Variants in VPS52 observed in about 807,000 individuals in gnomAD.
The protein encoded by VPS52 is vacuolar protein sorting-associated protein 52 homolog.
VPS52 carries 56 observed loss-of-function variants against 98.7 expected under a neutral mutation model. That is an observed-to-expected ratio of 0.57 (90% CI 0.46 to 0.71). The LOEUF is 0.71. VPS52 is among the 30% of genes least tolerant of loss of function. The pLI, the probability that VPS52 is intolerant of heterozygous loss-of-function variation, is 0.00. For synonymous variants in VPS52, 348 were observed against 346.4 expected, an observed-to-expected ratio of 1.00 and a Z score of -0.05; for missense variants, 742 against 925.9, an observed-to-expected ratio of 0.80 and a Z score of 2.58.
rs773295555 is a variant in VPS52, at chr6:33,266,607, C to T, written c.1231G>A (p.Ala411Thr). Residue 411 changes from alanine (A) to threonine (T), a missense_variant, in exon 12 of 20, where the codon GCA (alanine) becomes ACA (threonine). By Grantham distance (58) the Ala-to-Thr change is moderately conservative. Around this residue, in one of 2 missense-constraint regions of VPS52, gnomAD observed 590 missense variants for 793.3 expected, o/e 0.74. Coordinates refer to ENST00000445902, the MANE Select transcript of VPS52 (RefSeq NM_022553.6). ...ATGACAGCATGGAACAGGTCGTGTG[C>T]AGCTGGGCCAGACACAACAAAAAAT... is the stretch of plus-strand genomic sequence containing the variant. ...CEFFVVSGPA[A>T]HDLFHAVMGR... The T allele has an allele frequency of 6.2e-7, 1 of 1,612,716 alleles. No homozygotes were observed. The highest frequency in any genetic ancestry group is 8.5e-7 in the Non-Finnish European group (1 of 1,179,888).
chr6:33,271,397 AG>A, intron 1 of VPS52, 188 bp downstream of exon 1: 1 of 826,046 alleles, frequency 1.2e-6, no homozygotes, highest in Middle Eastern at 2.2e-4. Flanking sequence ...TTTGTGCCCC[AG>A]AACATGAGTT....
chr6:33,257,200 AT>A (rs1763092431), intron 17 of VPS52, among the ~76,000 whole-genome samples: 6 of 151,398 alleles, frequency 4.0e-5, no homozygotes, highest in Admixed American at 4.0e-4. Flanking sequence ...TGGCTAATAT[AT>A]TTTTTTAATT....
chr6:33,262,227 T>C (rs1167474134), intron 17 of VPS52, among the ~76,000 whole-genome samples: 1 of 152,024 alleles, frequency 6.6e-6, no homozygotes, highest in Non-Finnish European at 1.5e-5. Flanking sequence ...TGAATAGATA[T>C]TTTTCAAAAG....
Position 33,253,919 on chromosome 6 carries a change from C to T in VPS52, c.1795-1948G>A, listed in dbSNP as rs147407418. Among the ~76,000 whole-genome samples, 190 of 151,988 alleles carry T rather than the reference C, an allele frequency of 1.3e-3. No individual in the cohort carries two copies. The Middle Eastern group carries it at 0.017, about 14-fold the overall frequency. ...AAACTGTCCGTGAACTGCTATACAC[C>T]GAATATCACTGATGATGCCTGGGGG... is the stretch of plus-strand genomic sequence containing the variant. On this transcript the variant is annotated intron_variant, in intron 17 of 19. Coordinates refer to ENST00000445902, the MANE Select transcript of VPS52 (RefSeq NM_022553.6).
chr6:33,266,110 T>A (rs1764272392), intron 12 of VPS52, among the ~76,000 whole-genome samples: 1 of 150,780 alleles, frequency 6.6e-6, no homozygotes, highest in Non-Finnish European at 1.5e-5. Context: ...TCCTCCCGCC[T>A]CAGCCTCCCA....
chr6:33,261,067 T>C (rs1047787346), intron 17 of VPS52, among the ~76,000 whole-genome samples: 7 of 151,812 alleles, frequency 4.6e-5, no homozygotes, highest in African/African-American at 1.2e-4. Flanking sequence ...CAGGCAACAG[T>C]TGTCTTTTGT....
chr6:33,271,499 T>TCCCA, intron 1 of VPS52, 87 bp downstream of exon 1: 1 of 1,539,224 alleles, frequency 6.5e-7, no homozygotes, highest in South Asian at 1.2e-5. Context: ...GCAGCCAAGT[T>TCCCA]CCCACCCTTG....
chr6:33,270,136 T>C, intron 2 of VPS52, 63 bp downstream of exon 2: 1 of 1,612,322 alleles, frequency 6.2e-7, no homozygotes, highest in Non-Finnish European at 8.5e-7. Flanking sequence ...CCCTACCTTA[T>C]TCCTTCCAGC....
chr6:33,267,479 T>A lies in VPS52; in HGVS notation c.992-158A>T. ...ACATCTGTGAATGGGCTTCAGGGTG[T>A]CTCTCCCTCCCTTGCAATCATATGC... On this transcript the variant is annotated intron_variant, in intron 10 of 19. Transcript: ENST00000445902. The surrounding 1 kb of genome is among the most constrained non-coding windows in gnomAD (Gnocchi z 4.2). The A allele has an allele frequency of 1.6e-6, 2 of 1,273,590 alleles. No homozygotes were observed. Among genetic ancestry groups the A allele is most frequent in the Non-Finnish European group, 2.2e-6 (2 of 921,382 alleles). 78.9% of individuals were successfully genotyped at this position (1,273,590 alleles called of 1,614,324 possible).
Position 33,264,089 on chromosome 6 carries a change from A to C in VPS52, c.1539T>G (p.Tyr513Ter). 6.2e-7 allele frequency: 1 copy of C among 1,614,172 alleles called. No individual in the cohort carries two copies. ...TGACAAGAGCGGAGGAGAACTCTGC[A>C]TAGCGGCGTGTGATCTAGGAGAGAG... Reference protein sequence around the residue: ...DTRPHYITRRYAEFSSALVSI... With the variant: ...DTRPHYITRR The change falls in exon 15 of 20, where the codon TAT becomes TAG. Residue 513 changes from tyrosine (Y) to a stop codon, truncating the protein, a stop_gained. Transcript: ENST00000445902. LOFTEE classifies it high-confidence loss of function.
At position 33,270,029 on chromosome 6, in the gene VPS52, C is replaced by A. The variant is rs1223712420; in HGVS notation, c.198G>T (p.Glu66Asp). 1 of 1,614,158 alleles carries A rather than the reference C, an allele frequency of 6.2e-7. No homozygotes were observed. The highest frequency in any genetic ancestry group is 1.7e-5 in the Admixed American group (1 of 60,014). The change falls in exon 3 of 20, where the codon GAG becomes GAT. Residue 66 changes from glutamate to aspartate, a missense_variant. Around this residue, in one of 2 missense-constraint regions of VPS52, gnomAD observed 152 missense variants for 132.6 expected, o/e 1.15. Coordinates refer to ENST00000445902, the MANE Select transcript of VPS52 (RefSeq NM_022553.6). ...TAAGAGCTTCCTTTACTAACTCATC[C>A]TCCAGATTTGCCTGAATGTGAACTG... ...EVDVHIQANL[E>D]DELVKEALKT...
chr6:33,268,737 C>T lies in VPS52; in HGVS notation c.549-88G>A. ...CAGACCACACTCCTTACCTCCAGCC[C>T]CTGTCATCTCTACCACCTTGCATTG... On this transcript the variant is annotated intron_variant, in intron 6 of 19. Transcript: ENST00000445902. This position sits in a 1 kb window ranked among gnomAD's most constrained non-coding sequence, Gnocchi z 4.0. The T allele has an allele frequency of 7.0e-7, 1 of 1,436,228 alleles. No individual in the cohort carries two copies. The highest frequency in any genetic ancestry group is 9.2e-7 in the Non-Finnish European group (1 of 1,081,352). 89.0% of individuals were successfully genotyped at this position (1,436,228 alleles called of 1,614,324 possible). A position where few individuals can be genotyped will look rare whatever the true frequency, so the allele number is the denominator to read the frequency against.
chr6:33,251,448 G>T, intron 19 of VPS52, 70 bp downstream of exon 19: 1 of 1,084,952 alleles, frequency 9.2e-7, no homozygotes, highest in Non-Finnish European at 1.4e-6. Flanking sequence ...ATGATGCTGA[G>T]CCCAGCAAAA....
intron 17 of VPS52, among the ~76,000 whole-genome samples, chr6:33,257,336 A>G (rs1038869285): frequency 2.0e-5 from 3 of 152,136 alleles, no homozygotes; most frequent in Non-Finnish European, 4.4e-5. Context: ...CACCTGGCCA[A>G]AATTCTACAA....
Position 33,269,197 on chromosome 6 carries a change from G to A in VPS52, c.373-8C>T, listed in dbSNP as rs760998659. On this transcript the variant is annotated splice_polypyrimidine_tract_variant and splice_region_variant and intron_variant, in intron 5 of 19. Transcript: ENST00000445902. ...CAACATCTGCTCCATTCGCTGTAGG[G>A]AGGGTAGATGTTGCCGGAGTGCTAT... 32 of 1,612,842 alleles carry A rather than the reference G, an allele frequency of 2.0e-5. No individual in the cohort carries two copies. Among genetic ancestry groups the A allele is most frequent in the Non-Finnish European group, 2.4e-5 (28 of 1,179,960 alleles).
In VPS52 at chr6:33,264,068, AAG is replaced by A; in HGVS notation, c.1558_1559del (p.Leu520CysfsTer9). On this transcript the variant is annotated frameshift_variant, in exon 15 of 20. Coordinates refer to ENST00000445902, the MANE Select transcript of VPS52 (RefSeq NM_022553.6). LOFTEE classifies it high-confidence loss of function. ...TAGGAATTGTCTGGTTGATACTGAC[AAG>A]AGCGGAGGAGAACTCTGCATAGCGG... ...TRRYAEFSSA[L>X]VSINQTIPNE... The A allele has an allele frequency of 6.2e-7, 1 of 1,614,224 alleles. No individual in the cohort carries two copies. Among genetic ancestry groups the A allele is most frequent in the Non-Finnish European group, 8.5e-7 (1 of 1,180,042 alleles).
intron 17 of VPS52, among the ~76,000 whole-genome samples, chr6:33,258,012 C>T (rs2150811361): frequency 6.6e-6 from 1 of 151,982 alleles, no homozygotes; most frequent in East Asian, 1.9e-4. Context: ...AAGACTGTTA[C>T]TAAAAACAAA....
chr6:33,260,354 CTTTTT>C (rs1184409636), intron 17 of VPS52, among the ~76,000 whole-genome samples: 2 of 144,064 alleles, frequency 1.4e-5, no homozygotes, highest in African/African-American at 5.1e-5. Context: ...CCATGCCTGG[CTTTTT>C]TTTTTTTCTT....
chr6:33,251,373 A>T, intron 19 of VPS52, 145 bp downstream of exon 19: 1 of 673,372 alleles, frequency 1.5e-6, no homozygotes, highest in East Asian at 2.5e-5. Context: ...AAAAAAAAAG[A>T]ATCAGGTTAG....
Sources: gnomAD v4.1 joint callset for allele counts (sites outside exome capture counted in the v4.1 genomes callset) on GRCh38, gnomAD v4.1.1 for gene constraint, gnomAD v4.1.1 regional missense constraint, Gnocchi (gnomAD v3.1) non-coding constraint, MANE v1.5 for transcripts, NCBI Gene and HGNC (gene_info 2026-07-23, HGNC 2026-07-21) for gene names.